Variants in TENM1 observed in about 807,000 individuals in gnomAD.
TENM1 encodes the protein teneurin-1.
TENM1 carries 35 observed loss-of-function variants against 174.8 expected under a neutral mutation model. The observed-to-expected ratio is 0.20, with a 90% CI of 0.15 to 0.27. TENM1 has a LOEUF of 0.27. Ranked by LOEUF, TENM1 falls within the 10% of genes least tolerant of loss-of-function variation. The pLI is 1.00. For synonymous variants in TENM1, 781 were observed against 798.7 expected (o/e 0.98, Z 0.37); for missense variants, 1,633 against 2,130.1 (o/e 0.77, Z 4.59).
chrX:124,564,651 G>A (rs2048901074), intron 12 of TENM1, among the ~76,000 whole-genome samples: 1 of 111,894 alleles, frequency 8.9e-6, no homozygotes, highest in African/African-American at 3.2e-5. Context: ...AGAAATATAT[G>A]TTAAGGGCTT....
At chrX:124,477,816 T>G (rs1312353213) in intron 22 of TENM1, among the ~76,000 whole-genome samples, 2 of 111,442 alleles carry the variant, frequency 1.8e-5, no homozygotes, top group African/African-American at 6.5e-5. Flanking sequence ...CTGGTTTGAA[T>G]TCCAGTGTTG....
chrX:125,034,410 AGTTT>A, the TENM1 span, among the ~76,000 whole-genome samples: 1 of 111,551 alleles, frequency 9.0e-6, no homozygotes, highest in Admixed American at 9.6e-5. Context: ...TAAAGGTACA[AGTTT>A]GGGACCTGTG....
chrX:125,152,273 G>C, the TENM1 span, among the ~76,000 whole-genome samples: 1 of 110,034 alleles, frequency 9.1e-6, no homozygotes, highest in East Asian at 2.8e-4. Context: ...AAAAAATAGT[G>C]TGAATGTGTA....
chrX:124,617,616 C>T (rs1413844233), intron 11 of TENM1, among the ~76,000 whole-genome samples: 1 of 112,071 alleles, frequency 8.9e-6, no homozygotes, highest in Non-Finnish European at 1.9e-5. Flanking sequence ...TGCATTAGGC[C>T]CTTCTAGTTC....
intron 3 of TENM1, among the ~76,000 whole-genome samples, chrX:124,761,499 C>G (rs1215208504): frequency 1.1e-5 from 1 of 87,464 alleles, no homozygotes; most frequent in Non-Finnish European, 2.1e-5. Flanking sequence ...ACGACGAGAA[C>G]AATTGGACAC....
intron 1 of TENM1, among the ~76,000 whole-genome samples, chrX:124,961,201 A>C (rs1361820987): frequency 8.9e-6 from 1 of 112,352 alleles, no homozygotes; most frequent in African/African-American, 3.2e-5. Flanking sequence ...ATAAGCACTT[A>C]TATTTCAGTT....
At chrX:125,142,349 A>C in the TENM1 span, among the ~76,000 whole-genome samples, 2 of 111,455 alleles carry the variant, frequency 1.8e-5, no homozygotes, top group Non-Finnish European at 3.8e-5. Context: ...TTAAAAAAGA[A>C]AAATTATTCG....
In TENM1 at chrX:124,716,488, T is replaced by C. The variant is rs2053185353; in HGVS notation, c.777-11237A>G. Among the ~76,000 whole-genome samples, 5 of 112,231 alleles carry C rather than the reference T, an allele frequency of 4.5e-5. No homozygotes were observed. In the South Asian group the frequency reaches 1.8e-3, roughly 41 times the overall value. ...GGCTAGAAAAAAGCAGACCCAAATA[T>C]GGAAGGAGCCTAGTACAATTGTTAC... On this transcript the variant is annotated intron_variant, in intron 4 of 31. Coordinates refer to ENST00000422452, the Ensembl canonical transcript of TENM1.
chrX:124,504,716 C>A (rs1308942302), intron 18 of TENM1, among the ~76,000 whole-genome samples: 4 of 111,460 alleles, frequency 3.6e-5, no homozygotes, highest in African/African-American at 6.5e-5. Context: ...TCTTTAGATG[C>A]CCCTGAAGAG....
At chrX:124,380,511 T>A (rs1224092804) in exon 32 of TENM1, 6 of 1,160,105 alleles carry the variant, frequency 5.2e-6, no homozygotes, top group Non-Finnish European at 6.9e-6. Flanking sequence ...CAGTCTTTGG[T>A]GACGCAAAGG....
intron 3 of TENM1, among the ~76,000 whole-genome samples, chrX:124,889,086 G>A (rs888799576): frequency 3.6e-5 from 4 of 111,892 alleles, no homozygotes; most frequent in Admixed American, 9.5e-5. Flanking sequence ...GCAAGCTACC[G>A]TATCTTTATC....
intron 15 of TENM1, among the ~76,000 whole-genome samples, chrX:124,536,171 G>A (rs920673625): frequency 1.8e-5 from 2 of 111,474 alleles, no homozygotes; most frequent in African/African-American, 3.3e-5. Context: ...CTTACAACAC[G>A]TGCTACTTTT....
intron 3 of TENM1, among the ~76,000 whole-genome samples, chrX:124,811,790 TAAAG>T (rs1270373945): frequency 9.0e-6 from 1 of 110,847 alleles, no homozygotes; most frequent in Non-Finnish European, 1.9e-5. Context: ...GATGAATTGA[TAAAG>T]AAAATGTGGC....
intron 14 of TENM1, among the ~76,000 whole-genome samples, chrX:124,552,487 G>A (rs1377651917): frequency 6.6e-3 from 1 of 152 alleles, no homozygotes; most frequent in African/African-American, 0.024. Flanking sequence ...GTGCACTCAG[G>A]ATTGGCCTGC....
chrX:124,747,821 T>C (rs764718783), intron 3 of TENM1, among the ~76,000 whole-genome samples: 1 of 110,429 alleles, frequency 9.1e-6, no homozygotes, highest in Non-Finnish European at 1.9e-5. Context: ...GACCACAGAG[T>C]GTGATCTGGG....
chrX:124,902,793 T>C (rs2057684951), intron 1 of TENM1, among the ~76,000 whole-genome samples: 1 of 112,617 alleles, frequency 8.9e-6, no homozygotes, highest in Admixed American at 9.4e-5. Context: ...TGATTTCTCT[T>C]AGTCTTAGAA....
chrX:125,027,221 G>GA, the TENM1 span, among the ~76,000 whole-genome samples: 4 of 111,465 alleles, frequency 3.6e-5, no homozygotes, highest in African/African-American at 1.3e-4. Flanking sequence ...TTTCTGGAAA[G>GA]AAAATCAATG....
chrX:124,592,954 A>G (rs1470940864), intron 11 of TENM1, among the ~76,000 whole-genome samples: 1 of 111,013 alleles, frequency 9.0e-6, no homozygotes, highest in Non-Finnish European at 1.9e-5. Context: ...AGCTAGCTAC[A>G]GCTAATGTGG....
At chrX:124,730,447 C>T (rs777802453) in intron 4 of TENM1, among the ~76,000 whole-genome samples, 3 of 111,117 alleles carry the variant, frequency 2.7e-5, no homozygotes, top group East Asian at 5.7e-4. Context: ...TACTATTATC[C>T]TTACTTTACA....
Sources: allele counts gnomAD v4.1 joint callset (sites outside exome capture counted in the v4.1 genomes callset), GRCh38; gene constraint gnomAD v4.1.1; transcripts MANE v1.5; gene names NCBI Gene and HGNC (gene_info 2026-07-23, HGNC 2026-07-21).